The following CPNE9 variants were observed in gnomAD, a reference collection of about 807,000 sequenced individuals.
CPNE9 encodes copine family member 9.
Under a neutral mutation model 83.0 loss-of-function variants are expected in CPNE9, and 59 were observed. The observed-to-expected ratio is 0.71, with a 90% CI of 0.58 to 0.88. The LOEUF (loss-of-function observed/expected upper bound fraction) is 0.88, where lower values mean the gene tolerates loss of function less well. CPNE9 is among the 40% of genes least tolerant of loss of function. CPNE9 has a pLI of 0.00. For synonymous variants in CPNE9, 256 were observed against 273.4 expected (o/e 0.94, Z 0.63); for missense variants, 619 against 720.8 (o/e 0.86, Z 1.62).
intron 7 of CPNE9, among the ~76,000 whole-genome samples, chr3:9,706,889 A>G (rs1236937656): frequency 2.0e-5 from 3 of 152,200 alleles, no homozygotes; most frequent in Non-Finnish European, 2.9e-5. Context: ...GAGGCCAGCA[A>G]GACTGGAGCC....
At chr3:9,709,148 C>T (rs905128944) in intron 7 of CPNE9, among the ~76,000 whole-genome samples, 3 of 149,490 alleles carry the variant, frequency 2.0e-5, no homozygotes, top group Admixed American at 6.6e-5. Context: ...TGGTGGCGCA[C>T]GCTTGTAATC....
chr3:9,718,541 C>G lies in CPNE9; in HGVS notation c.1180C>G (p.Leu394Val). The change falls in exon 17 of 21, where the codon CTG (leucine) becomes GTG (valine). Residue 394 changes from leucine to valine, a missense_variant. Physicochemically the swap from Leu to Val is conservative, Grantham distance 32. Around this residue, in one of 3 missense-constraint regions of CPNE9, gnomAD observed 438 missense variants for 562.9 expected, o/e 0.78. Coordinates refer to ENST00000383832, the MANE Select transcript of CPNE9 (RefSeq NM_153635.3). Reference sequence around the variant, plus strand: ...TGTGCTGGAGAGCTATTTCCAGAGCCTGCGCACAGTGCAGCTCTATGGGCC... The same window carrying G: ...TGTGCTGGAGAGCTATTTCCAGAGCGTGCGCACAGTGCAGCTCTATGGGCC... ...EGVLESYFQS[L>V]RTVQLYGPTY... 4.3e-6 allele frequency: 7 copies of G among 1,613,784 alleles called. No individual in the cohort carries two copies. Among genetic ancestry groups the G allele is most frequent in the Non-Finnish European group, 5.9e-6 (7 of 1,179,962 alleles).
intron 7 of CPNE9, among the ~76,000 whole-genome samples, chr3:9,710,168 ATAC>A (rs756018806): frequency 3.9e-5 from 6 of 152,154 alleles, no homozygotes; most frequent in South Asian, 2.1e-4. Context: ...AGGGAAAATT[ATAC>A]TACATTTACA....
In CPNE9 at chr3:9,715,535, T is replaced by C. The variant is rs752739257; in HGVS notation, c.822+9T>C. The C allele has an allele frequency of 6.2e-7, 1 of 1,612,244 alleles. No homozygotes were observed. The highest frequency in any genetic ancestry group is 1.1e-5 in the South Asian group (1 of 91,040). ...ATGTCAACTCAGGAACTGTGAGTGCTCCCTAGAGCCGTGGCCCTCCCTGGA... is the reference window on the plus strand; with the variant it reads ...ATGTCAACTCAGGAACTGTGAGTGCCCCCTAGAGCCGTGGCCCTCCCTGGA... On this transcript the variant is annotated intron_variant, in intron 13 of 20. Coordinates refer to ENST00000383832, the MANE Select transcript of CPNE9 (RefSeq NM_153635.3).
rs756877450 is a variant in CPNE9 at position 9,714,971 on chromosome 3, A to G, written c.692+16A>G. 8.1e-6 allele frequency: 13 copies of G among 1,611,430 alleles called. No homozygotes were observed. Among genetic ancestry groups the G allele is most frequent in the Middle Eastern group, 1.6e-4 (1 of 6,074 alleles). ...GGGATGGAAGGTAGAACTGCCCCAC[A>G]TGGTCCCTTCTCCTGTACTTGACCC... On this transcript the variant is annotated intron_variant, in intron 11 of 20. Coordinates refer to ENST00000383832, the MANE Select transcript of CPNE9 (RefSeq NM_153635.3).
rs2076534716 is a variant in CPNE9 at position 9,704,188 on chromosome 3, G to C, written c.68+124G>C. On this transcript the variant is annotated intron_variant, in intron 1 of 20. Coordinates refer to ENST00000383832, the MANE Select transcript of CPNE9 (RefSeq NM_153635.3). This position sits in a 1 kb window ranked among gnomAD's most constrained non-coding sequence, Gnocchi z 7.1. Reference sequence around the variant, plus strand: ...AGGCGAAATTGGCTGGAAAATCACAGCTGATGACAGGGCGAGTAGCTGGTG... The same window carrying C: ...AGGCGAAATTGGCTGGAAAATCACACCTGATGACAGGGCGAGTAGCTGGTG... 2.2e-6 allele frequency: 2 copies of C among 900,818 alleles called. No individual in the cohort carries two copies. The highest frequency in any genetic ancestry group is 2.6e-5 in the Admixed American group (1 of 38,118). 55.8% of individuals were successfully genotyped at this position (900,818 alleles called of 1,614,324 possible). A position where few individuals can be genotyped will look rare whatever the true frequency, so the allele number is the denominator to read the frequency against.
At chr3:9,720,918 C>T (rs1028844753) in intron 17 of CPNE9, among the ~76,000 whole-genome samples, 12 of 152,164 alleles carry the variant, frequency 7.9e-5, no homozygotes, top group East Asian at 3.8e-4. Flanking sequence ...AACCTCTCTG[C>T]GCCTTATTCC....
chr3:9,718,863 AG>A (rs2076709797), intron 17 of CPNE9, among the ~76,000 whole-genome samples: 2 of 136,330 alleles, frequency 1.5e-5, no homozygotes, highest in African/African-American at 5.7e-5. Flanking sequence ...TTTGAGACAG[AG>A]TCTTGCTCTG....
intron 16 of CPNE9, 129 bp from the exon 17 acceptor site, chr3:9,718,346 G>T: frequency 7.1e-7 from 1 of 1,405,162 alleles, no homozygotes; most frequent in East Asian, 2.3e-5. Context: ...GAGCAGGGAG[G>T]GGAGCAGGGC....
At chr3:9,729,389 G>T in intron 20 of CPNE9, 118 bp from the exon 21 acceptor site, 1 of 1,381,268 alleles carries the variant, frequency 7.2e-7, no homozygotes, top group East Asian at 2.5e-5. Context: ...ATGTGGAGAG[G>T]GAGATACTGT....
chr3:9,706,012 C>T lies in CPNE9; in HGVS notation c.326C>T (p.Ala109Val). 1.2e-6 allele frequency: 2 copies of T among 1,613,624 alleles called. No homozygotes were observed. Among genetic ancestry groups the T allele is most frequent in the Non-Finnish European group, 1.7e-6 (2 of 1,180,004 alleles). Residue 109 changes from alanine to valine, a missense_variant, in exon 7 of 21, where the codon GCC (alanine) becomes GTC (valine). This residue lies in a region of CPNE9 where 438 missense variants were observed against 562.9 expected (regional missense o/e 0.78). Coordinates refer to ENST00000383832, the MANE Select transcript of CPNE9 (RefSeq NM_153635.3). ...GATTTCCTGGGACAAGCGTTCCTGG[C>T]CCTGGGAGAGGTGATTGGAGGCCAG... Reference protein sequence around the residue: ...PKDFLGQAFLALGEVIGGQGS... With the variant: ...PKDFLGQAFLVLGEVIGGQGS...
chr3:9,727,145 G>A lies in CPNE9; in HGVS notation c.1435G>A (p.Val479Met), dbSNP rs199631146. 7.4e-6 allele frequency: 12 copies of A among 1,614,180 alleles called. No homozygotes were observed. Among genetic ancestry groups the A allele is most frequent in the Admixed American group, 1.7e-5 (1 of 60,026 alleles). The change falls in exon 20 of 21, where the codon GTG (valine) becomes ATG (methionine). Residue 479 changes from valine (V) to methionine (M), a missense_variant. Around this residue, in one of 3 missense-constraint regions of CPNE9, gnomAD observed 438 missense variants for 562.9 expected, o/e 0.78. Coordinates refer to ENST00000383832, the MANE Select transcript of CPNE9 (RefSeq NM_153635.3). Reference protein sequence around the residue: ...MEELDGDDVRVSSRGRYAERD... With the variant: ...MEELDGDDVRMSSRGRYAERD... ...AGAGTTGGACGGTGATGATGTGCGCGTGTCCTCTAGGGGACGCTACGCAGA... is the reference window on the plus strand; with the variant it reads ...AGAGTTGGACGGTGATGATGTGCGCATGTCCTCTAGGGGACGCTACGCAGA...
chr3:9,727,673 A>G (rs2125477834), intron 20 of CPNE9, among the ~76,000 whole-genome samples: 1 of 152,338 alleles, frequency 6.6e-6, no homozygotes, highest in Non-Finnish European at 1.5e-5. Context: ...CTAGGGTAGC[A>G]GGATCACACT....
intron 20 of CPNE9, among the ~76,000 whole-genome samples, chr3:9,728,227 C>A (rs913211533): frequency 1.3e-4 from 20 of 152,136 alleles, no homozygotes; most frequent in Non-Finnish European, 2.8e-4. Flanking sequence ...GCGGCTCATG[C>A]CTATAATCCC....
rs1322109117 is a variant in CPNE9 at position 9,704,356 on chromosome 3, C to G, written c.69-231C>G. 6.6e-6 allele frequency among the ~76,000 whole-genome samples: 1 copy of G among 152,188 alleles called. No individual in the cohort carries two copies. The highest frequency in any genetic ancestry group is 6.5e-5 in the Admixed American group (1 of 15,290). Reference sequence around the variant, plus strand: ...TGGGGCGAGCCCTCTTTCCTGGGCCCTTGGAGACAGTGTGGGTGCGTTCGC... The same window carrying G: ...TGGGGCGAGCCCTCTTTCCTGGGCCGTTGGAGACAGTGTGGGTGCGTTCGC... On this transcript the variant is annotated intron_variant, in intron 1 of 20. Coordinates refer to ENST00000383832, the MANE Select transcript of CPNE9 (RefSeq NM_153635.3). The surrounding 1 kb of genome is among the most constrained non-coding windows in gnomAD (Gnocchi z 7.1).
intron 20 of CPNE9, 196 bp downstream of exon 20, chr3:9,727,382 G>C (rs1053723495): frequency 4.1e-6 from 3 of 734,772 alleles, no homozygotes; most frequent in Non-Finnish European, 7.5e-6. Context: ...CCGTGGTGTA[G>C]GTCGGGAGGT....
At chr3:9,726,489 A>G (rs1027023252) in intron 18 of CPNE9, among the ~76,000 whole-genome samples, 176 bp from the exon 19 acceptor site, 7 of 152,194 alleles carry the variant, frequency 4.6e-5, no homozygotes, top group African/African-American at 1.4e-4. Flanking sequence ...ATATCTTTCA[A>G]GGCTGCTTGA....
chr3:9,705,808 A>C, intron 6 of CPNE9, 88 bp downstream of exon 6: 1 of 1,475,622 alleles, frequency 6.8e-7, no homozygotes, highest in Non-Finnish European at 9.4e-7. Flanking sequence ...TACAAGGCAG[A>C]GATTGCTCGC....
chr3:9,704,452 C>T lies in CPNE9; in HGVS notation c.69-135C>T, dbSNP rs549603392. ...TGTCCAGAGTGCTGACAGAGCGGAC[C>T]CCGGCTGGGGGTAGCCATGGGGGAC... is the stretch of plus-strand genomic sequence containing the variant. On this transcript the variant is annotated intron_variant, in intron 1 of 20. Transcript: ENST00000383832. This position sits in a 1 kb window ranked among gnomAD's most constrained non-coding sequence, Gnocchi z 7.1. The T allele has an allele frequency of 1.2e-6, 1 of 815,584 alleles. No homozygotes were observed. Among genetic ancestry groups the T allele is most frequent in the East Asian group, 2.4e-5 (1 of 41,252 alleles). 50.5% of individuals were successfully genotyped at this position (815,584 alleles called of 1,614,324 possible). A position where few individuals can be genotyped will look rare whatever the true frequency, so the allele number is the denominator to read the frequency against.
Sources: allele counts gnomAD v4.1 joint callset (sites outside exome capture counted in the v4.1 genomes callset), GRCh38; gene constraint gnomAD v4.1.1; regional missense constraint gnomAD v4.1.1; non-coding constraint Gnocchi (gnomAD v3.1); transcripts MANE v1.5; gene names NCBI Gene and HGNC (gene_info 2026-07-23, HGNC 2026-07-21).